The following ZEB2 variants were observed in gnomAD, a reference collection of about 807,000 sequenced individuals.
The protein encoded by ZEB2 is zinc finger E-box-binding homeobox 2.
Under a neutral mutation model 99.9 loss-of-function variants are expected in ZEB2, and 6 were observed. The ratio of observed to expected loss-of-function variants is 0.06; its 90% CI spans 0.03 to 0.12. ZEB2 has a LOEUF of 0.12. Among genes scored for constraint, ZEB2 ranks in the 10% least tolerant of loss-of-function variants. The pLI is 1.00. For synonymous variants in ZEB2, 517 were observed against 542.5 expected (o/e 0.95, Z 0.65); for missense variants, 969 against 1,502.8 (o/e 0.64, Z 5.87).
intron 4 of ZEB2, among the ~76,000 whole-genome samples, chr2:144,419,855 C>G (rs970672581): frequency 1.3e-5 from 2 of 151,994 alleles, no homozygotes; most frequent in African/African-American, 4.8e-5. Flanking sequence ...CAGGTTTGCA[C>G]TGTTTTATGT....
chr2:144,491,004 G>A (rs761814064), intron 2 of ZEB2, among the ~76,000 whole-genome samples: 3 of 152,242 alleles, frequency 2.0e-5, no homozygotes, highest in Non-Finnish European at 2.9e-5. Flanking sequence ...ATGTAGTGCC[G>A]TGTCAGTGAT....
chr2:144,431,509 A>G (rs1424650666), intron 2 of ZEB2, among the ~76,000 whole-genome samples: 2 of 151,914 alleles, frequency 1.3e-5, no homozygotes, highest in Non-Finnish European at 2.9e-5. Flanking sequence ...GAACAACTGC[A>G]CAACAGGTGC....
At chr2:144,492,685 T>G (rs1423642826) in intron 2 of ZEB2, among the ~76,000 whole-genome samples, 1 of 152,172 alleles carries the variant, frequency 6.6e-6, no homozygotes, top group East Asian at 1.9e-4. Context: ...CCAGTTGATT[T>G]AAATACAAAC....
At chr2:144,517,811 G>T in intron 1 of ZEB2, 1 of 635,532 alleles carries the variant, frequency 1.6e-6, no homozygotes, top group African/African-American at 1.8e-5. Context: ...TTTTCTTTTC[G>T]TTCTCATCTT....
At chr2:144,464,133 A>G (rs1174719432) in intron 2 of ZEB2, 2 of 152,066 alleles carry the variant, frequency 1.3e-5, no homozygotes, top group African/African-American at 4.8e-5. Flanking sequence ...TTACTGTGTG[A>G]TATTGTGCAG....
intron 1 of ZEB2, chr2:144,517,881 G>T: frequency 2.0e-6 from 1 of 491,704 alleles, no homozygotes; most frequent in Non-Finnish European, 3.5e-6. Flanking sequence ...ACGCGAAACA[G>T]CCCCTGGATG....
intron 2 of ZEB2, among the ~76,000 whole-genome samples, chr2:144,440,512 T>TATATATAC (rs1703897991): frequency 2.5e-4 from 1 of 4,058 alleles, no homozygotes; most frequent in African/African-American, 5.2e-4. Context: ...TATATATATA[T>TATATATAC]ATATTTTTTT....
At chr2:144,396,341 G>GT in intron 9 of ZEB2, 71 bp downstream of exon 9, 1 of 1,552,706 alleles carries the variant, frequency 6.4e-7, no homozygotes, top group Non-Finnish European at 8.9e-7. Flanking sequence ...TTGCACAAGT[G>GT]TGCTCATTAA....
Position 144,429,634 on chromosome 2 carries a change from G to A in ZEB2, c.331+135C>T, listed in dbSNP as rs1437433095. 3 of 1,359,398 alleles carry A rather than the reference G, an allele frequency of 2.2e-6. No homozygotes were observed. The African/African-American group carries it at 4.3e-5, about 19-fold the overall frequency. 84.2% of individuals were successfully genotyped at this position (1,359,398 alleles called of 1,614,324 possible). A position where few individuals can be genotyped will look rare whatever the true frequency, so the allele number is the denominator to read the frequency against. ...ACTTCATAATCTGTCACCAGCTTTGGTATCTCTATTCTGCAAGGGCTCAAT... is the reference window on the plus strand; with the variant it reads ...ACTTCATAATCTGTCACCAGCTTTGATATCTCTATTCTGCAAGGGCTCAAT... On this transcript the variant is annotated intron_variant, in intron 3 of 9. Transcript: ENST00000627532.
intron 4 of ZEB2, among the ~76,000 whole-genome samples, chr2:144,412,547 A>G (rs1240345911): frequency 1.3e-5 from 2 of 152,178 alleles, no homozygotes; most frequent in African/African-American, 4.8e-5. Flanking sequence ...TGAAATGCAA[A>G]TTATTGGGGC....
At chr2:144,464,533 A>T (rs147233711) in intron 2 of ZEB2, among the ~76,000 whole-genome samples, 18 of 152,332 alleles carry the variant, frequency 1.2e-4, no homozygotes, top group Non-Finnish European at 2.4e-4. Flanking sequence ...AGCAATCATT[A>T]GCTCAGCTAT....
intron 2 of ZEB2, among the ~76,000 whole-genome samples, chr2:144,436,178 T>A (rs1703834780): frequency 6.6e-6 from 1 of 152,142 alleles, no homozygotes; most frequent in Admixed American, 6.6e-5. Flanking sequence ...GCAAGATGAA[T>A]GAATTAATGC....
chr2:144,496,920 T>C (rs1337879631), intron 2 of ZEB2: 2 of 152,190 alleles, frequency 1.3e-5, no homozygotes, highest in Admixed American at 6.5e-5. Flanking sequence ...AAGCTCACCA[T>C]CACCTATTTA....
chr2:144,460,619 T>G (rs995522218), intron 2 of ZEB2, among the ~76,000 whole-genome samples: 29 of 152,162 alleles, frequency 1.9e-4, no homozygotes, highest in Admixed American at 1.0e-3. Flanking sequence ...CTGAGAGCAC[T>G]GTTTTTTTTT....
intron 2 of ZEB2, among the ~76,000 whole-genome samples, chr2:144,451,955 C>T (rs1341981935): frequency 1.3e-5 from 2 of 151,810 alleles, no homozygotes; most frequent in Admixed American, 6.6e-5. Context: ...TATTTTTTTT[C>T]TCCAAATAAC....
At chr2:144,511,283 G>A in intron 2 of ZEB2, 1 of 685,432 alleles carries the variant, frequency 1.5e-6, no homozygotes, top group Non-Finnish European at 1.9e-6. Context: ...GAAGAGAAAA[G>A]CCAAAAGATA....
chr2:144,413,896 G>A (rs1703499189), intron 4 of ZEB2, among the ~76,000 whole-genome samples: 1 of 152,184 alleles, frequency 6.6e-6, no homozygotes, highest in Admixed American at 6.5e-5. Context: ...AGAGGAACAG[G>A]AGAAATTGAG....
intron 3 of ZEB2, chr2:144,429,523 A>T: frequency 1.8e-6 from 1 of 554,980 alleles, no homozygotes; most frequent in South Asian, 2.0e-5. Context: ...ATGTGTTGAA[A>T]GTGTGGTTCA....
intron 8 of ZEB2, 95 bp from the exon 9 acceptor site, chr2:144,396,687 G>C: frequency 7.3e-7 from 1 of 1,362,018 alleles, no homozygotes; most frequent in Non-Finnish European, 1.0e-6. Context: ...CCTCAAAATT[G>C]CTTGCTACTA....
Sources: allele counts gnomAD v4.1 joint callset (sites outside exome capture counted in the v4.1 genomes callset), GRCh38; gene constraint gnomAD v4.1.1; transcripts MANE v1.5; gene names NCBI Gene and HGNC (gene_info 2026-07-23, HGNC 2026-07-21).